The following TTC23 variants were observed in gnomAD, a reference collection of about 807,000 sequenced individuals.
TTC23 encodes tetratricopeptide repeat domain 23.
A neutral mutation model predicts 55.1 loss-of-function variants in TTC23; 58 were observed. The ratio of observed to expected loss-of-function variants is 1.05; its 90% confidence interval spans 0.85 to 1.31. The LOEUF is 1.31. Among genes scored for constraint, TTC23 ranks in the 50% most tolerant of loss-of-function variants. The probability of loss-of-function intolerance (pLI) is 0.00; values close to 1 mark genes in which losing one functional copy is unlikely to be tolerated. For missense variants in TTC23, 516 were observed against 534.4 expected (o/e 0.97, Z 0.34); for synonymous variants, 203 against 199.9 (o/e 1.02, Z -0.13).
chr15:99,200,752 G>C (rs1410203216), intron 8 of TTC23, among the ~76,000 whole-genome samples: 1 of 152,108 alleles, frequency 6.6e-6, no homozygotes, highest in African/African-American at 2.4e-5. Flanking sequence ...CTCTGGCAGG[G>C]CAAGAAGATA....
chr15:99,226,701 T>C (rs2078455567), intron 5 of TTC23, among the ~76,000 whole-genome samples: 1 of 152,094 alleles, frequency 6.6e-6, no homozygotes, highest in South Asian at 2.1e-4. Flanking sequence ...TGTGTGCTGT[T>C]TCCTCTCCCT....
At chr15:99,250,394 G>T (rs2080627272), upstream of TTC23, among the ~76,000 whole-genome samples, 1 of 152,092 alleles carries the variant, frequency 6.6e-6, no homozygotes, top group South Asian at 2.1e-4. Context: ...TCGTCTCTAT[G>T]AATAATTAAG....
At chr15:99,251,131 C>G (rs1401021754), upstream of TTC23, 1 of 152,160 alleles carries the variant, frequency 6.6e-6, no homozygotes, top group Non-Finnish European at 1.5e-5. Context: ...TGGCGGTTCC[C>G]GAAGTTGGAG....
rs2069446685 is a variant in TTC23 at position 99,149,726 on chromosome 15, G to T, written c.1143+6422C>A. Among the ~76,000 whole-genome samples, 3 of 152,244 alleles carry T rather than the reference G, an allele frequency of 2.0e-5. No individual in the cohort carries two copies. The South Asian group carries it at 6.2e-4, about 32-fold the overall frequency. ...TCTGGGAGCCTCAGGCCCCTTCTCT[G>T]TTTAACAGAGCTATGCAGGTCTGAC... On this transcript the variant is annotated intron_variant, in intron 12 of 13. Coordinates refer to ENST00000394132, the MANE Select transcript of TTC23 (RefSeq NM_001288615.3).
intron 10 of TTC23, among the ~76,000 whole-genome samples, chr15:99,173,845 T>C (rs1345482422): frequency 6.6e-6 from 1 of 152,244 alleles, no homozygotes; most frequent in Non-Finnish European, 1.5e-5. Flanking sequence ...GATAACCACC[T>C]GCTTCACTCA....
chr15:99,210,214 G>A (rs958522774), intron 8 of TTC23, among the ~76,000 whole-genome samples: 1 of 151,898 alleles, frequency 6.6e-6, no homozygotes, highest in Non-Finnish European at 1.5e-5. Context: ...TACATTATAA[G>A]GGTATAATGT....
At chr15:99,242,151 T>TA (rs1567569134) in intron 2 of TTC23, among the ~76,000 whole-genome samples, 8 of 140,774 alleles carry the variant, frequency 5.7e-5, no homozygotes, top group Non-Finnish European at 7.8e-5. Context: ...AAAAAAAAGT[T>TA]AAAAAAAAGA....
intron 9 of TTC23, among the ~76,000 whole-genome samples, chr15:99,195,726 C>CTT (rs1470545102): frequency 1.3e-5 from 2 of 152,074 alleles, no homozygotes; most frequent in Non-Finnish European, 2.9e-5. Context: ...CAACTATGGA[C>CTT]TTTAGGTGAT....
chr15:99,138,156 G>A lies in TTC23; in HGVS notation c.1227-29C>T. On this transcript the variant is annotated intron_variant, in intron 13 of 13. Coordinates refer to ENST00000394132, the MANE Select transcript of TTC23 (RefSeq NM_001288615.3). Reference sequence around the variant, plus strand: ...CAGACAAGCAGAGGGTGGGGTGAGTGTGGTGCCCCTCAGCCCCCCACACCG... The same window carrying A: ...CAGACAAGCAGAGGGTGGGGTGAGTATGGTGCCCCTCAGCCCCCCACACCG... 7 of 1,610,072 alleles carry A rather than the reference G, an allele frequency of 4.3e-6. No individual in the cohort carries two copies. The South Asian group carries it at 4.4e-5, about 10-fold the overall frequency.
chr15:99,192,200 C>A (rs2075301274), intron 9 of TTC23, among the ~76,000 whole-genome samples: 1 of 152,142 alleles, frequency 6.6e-6, no homozygotes, highest in African/African-American at 2.4e-5. Flanking sequence ...CCTGACAATG[C>A]AATAGAAAAG....
chr15:99,163,031 T>C (rs2071584619), intron 10 of TTC23, among the ~76,000 whole-genome samples: 1 of 152,096 alleles, frequency 6.6e-6, no homozygotes, highest in Non-Finnish European at 1.5e-5. Context: ...TTCAGTGAGC[T>C]GTGATCATAC....
intron 9 of TTC23, among the ~76,000 whole-genome samples, chr15:99,192,988 C>A (rs758243212): frequency 6.6e-6 from 1 of 152,188 alleles, no homozygotes; most frequent in Non-Finnish European, 1.5e-5. Context: ...GATTTGACTG[C>A]CCTGTTGGAT....
intron 9 of TTC23, among the ~76,000 whole-genome samples, chr15:99,184,883 A>G (rs148154132): frequency 0.011 from 1,721 of 152,274 alleles, 28 homozygotes; most frequent in African/African-American, 0.039. Flanking sequence ...CCCATATGTC[A>G]TGGGAGGGAC....
At chr15:99,212,166 G>A (rs2077086571) in intron 8 of TTC23, among the ~76,000 whole-genome samples, 2 of 152,180 alleles carry the variant, frequency 1.3e-5, no homozygotes. Flanking sequence ...GACATGTCAA[G>A]CAGTCAGAGA....
Position 99,161,782 on chromosome 15 carries a change from T to C in TTC23, c.951A>G (p.Gln317=), listed in dbSNP as rs991671740. 3 of 1,613,536 alleles carry C rather than the reference T, an allele frequency of 1.9e-6. No individual in the cohort carries two copies. Among genetic ancestry groups the C allele is most frequent in the South Asian group, 1.1e-5 (1 of 90,952 alleles). Residue 317 remains glutamine (Q), a synonymous_variant, in exon 11 of 14, where the codon CAA becomes CAG. Coordinates refer to ENST00000394132, the MANE Select transcript of TTC23 (RefSeq NM_001288615.3). ...TTTGTAGAAAATGGCAAAATTCATC[T>C]TGAATTGAAAGAAATTTGGTTCTTC... ...GMGRTKFLSI[Q]DEFCHFLQMT...
chr15:99,159,753 A>C (rs2071099876), intron 11 of TTC23: 1 of 152,236 alleles, frequency 6.6e-6, no homozygotes, highest in Non-Finnish European at 1.5e-5. Context: ...TGGCTTTTAC[A>C]AGTGAGTGTT....
chr15:99,212,940 G>T (rs570529523), intron 8 of TTC23, among the ~76,000 whole-genome samples: 1 of 136,116 alleles, frequency 7.3e-6, no homozygotes, highest in African/African-American at 2.7e-5. Context: ...AGCTGTCACT[G>T]TGAAACTGTA....
rs1487929888 is a variant in TTC23, at chr15:99,234,662, G to A, written c.-21+326C>T. Among the ~76,000 whole-genome samples the A allele has an allele frequency of 5.9e-5, 9 of 152,084 alleles. No individual in the cohort carries two copies. In the East Asian group the frequency reaches 1.4e-3, roughly 23 times the overall value. On this transcript the variant is annotated intron_variant, in intron 4 of 13. Transcript: ENST00000394132. ...GCTGGGATTACAGGTGTGAGCCACC[G>A]CACCTGGCCAAAAATGGGCAATTTA...
chr15:99,156,244 G>A lies in TTC23; in HGVS notation c.1047C>T (p.Gly349=), dbSNP rs760398305. The part of the protein sequence containing the change: ...ESLEAKVEAF[G]DFSPEVAETY... The stretch of plus-strand genomic sequence containing the variant: ...TCTCTGCCACCTCGGGACTGAAATC[G>A]CCAAATGCTTCCACTTTGGCTTCCA... The change falls in exon 12 of 14, where the codon GGC becomes GGT. Residue 349 remains glycine, a synonymous_variant. Transcript: ENST00000394132. 7.4e-6 allele frequency: 12 copies of A among 1,614,088 alleles called. No individual in the cohort carries two copies. The South Asian group carries it at 9.9e-5, about 13-fold the overall frequency.
Sources: gnomAD v4.1 joint callset for allele counts (sites outside exome capture counted in the v4.1 genomes callset) on GRCh38, gnomAD v4.1.1 for gene constraint, MANE v1.5 for transcripts, NCBI Gene and HGNC (gene_info 2026-07-23, HGNC 2026-07-21) for gene names.